The following MYBPC2 variants were observed in gnomAD, a reference collection of about 807,000 sequenced individuals.
MYBPC2 encodes myosin-binding protein C, fast-type.
In MYBPC2, 122 loss-of-function variants were observed where a neutral mutation model predicts 137.0. The observed-to-expected ratio is 0.89, with a 90% CI of 0.77 to 1.03. The LOEUF is 1.03. Ranked by LOEUF, MYBPC2 falls within the 50% of genes least tolerant of loss-of-function variation. The probability of loss-of-function intolerance (pLI) is 0.00; values close to 1 mark genes in which losing one functional copy is unlikely to be tolerated. For synonymous variants in MYBPC2, 626 were observed against 612.3 expected, an observed-to-expected ratio of 1.02 and a Z score of -0.33; for missense variants, 1,500 against 1,534.4, an observed-to-expected ratio of 0.98 and a Z score of 0.37.
intron 20 of MYBPC2, 102 bp from the exon 21 acceptor site, chr19:50,458,485 A>G (rs2039934554): frequency 1.2e-5 from 17 of 1,386,510 alleles, no homozygotes; most frequent in Middle Eastern, 1.9e-4. Flanking sequence ...GAACTTACTC[A>G]GTGCTCACTC....
chr19:50,464,849 T>C (rs2040001003), intron 27 of MYBPC2, among the ~76,000 whole-genome samples: 1 of 152,128 alleles, frequency 6.6e-6, no homozygotes, highest in African/African-American at 2.4e-5. Context: ...CGTAGGCAGA[T>C]GGGTTGACAG....
chr19:50,449,031 G>A, intron 13 of MYBPC2, among the ~76,000 whole-genome samples: 1 of 151,856 alleles, frequency 6.6e-6, no homozygotes, highest in East Asian at 1.9e-4. Context: ...CACCTGTCCT[G>A]TCCCCAAACT....
In MYBPC2 at chr19:50,451,317, C is replaced by A; in HGVS notation, c.1609+8C>A. The A allele has an allele frequency of 6.2e-7, 1 of 1,613,276 alleles. No individual in the cohort carries two copies. ...AGTACGTTCCCAAGCAAGGTGAGCA[C>A]CACGGGCTGCGCTGGGAGCGGGTCT... On this transcript the variant is annotated splice_region_variant and intron_variant, in intron 15 of 27. Coordinates refer to ENST00000357701, the MANE Select transcript of MYBPC2 (RefSeq NM_004533.4).
chr19:50,459,018 G>A lies in MYBPC2; in HGVS notation c.2595+12G>A, dbSNP rs1370644990. On this transcript the variant is annotated intron_variant, in intron 22 of 27. Coordinates refer to ENST00000357701, the MANE Select transcript of MYBPC2 (RefSeq NM_004533.4). ...TCGTCCCCTTCCAGGTCAGGGGAGC[G>A]GGGTCACGGGCCGGGGGTCCGCTCT... 5.6e-6 allele frequency: 9 copies of A among 1,602,518 alleles called. No homozygotes were observed. In the Admixed American group the frequency reaches 6.8e-5, roughly 12 times the overall value.
In MYBPC2 at chr19:50,446,029, G is replaced by T. The variant is rs369372927; in HGVS notation, c.1283G>T (p.Cys428Phe). The change falls in exon 12 of 28, where the codon TGT becomes TTT. Residue 428 changes from cysteine to phenylalanine, a missense_variant. Physicochemically the swap from Cys to Phe is radical, Grantham distance 205. Transcript: ENST00000357701. The part of the protein sequence containing the change: ...RYQVITNGGQ[C>F]EAELIVEEKQ... ...CAGGTCATAACCAATGGCGGCCAGT[G>T]TGAGGCCGAGCTGATTGTGGAAGGT... The T allele has an allele frequency of 2.5e-6, 4 of 1,613,082 alleles. No homozygotes were observed. In the African/African-American group the frequency reaches 5.3e-5, roughly 22 times the overall value.
In MYBPC2 at chr19:50,461,602, G is replaced by T; in HGVS notation, c.2992G>T (p.Val998Leu). 6.2e-7 allele frequency: 1 copy of T among 1,613,576 alleles called. No individual in the cohort carries two copies. Among genetic ancestry groups the T allele is most frequent in the Non-Finnish European group, 8.5e-7 (1 of 1,179,822 alleles). ...HTSCTVSDLIVGNEYYFRVYT... is the reference protein window; with the variant it reads ...HTSCTVSDLILGNEYYFRVYT... ...TAGCTGTACTGTGTCCGACCTTATC[G>T]TGGGCAATGAATACTATTTCCGAGT... Residue 998 changes from valine (V) to leucine (L), a missense_variant, in exon 25 of 28, where the codon GTG becomes TTG. Transcript: ENST00000357701.
rs1328069496 is a variant in MYBPC2, at chr19:50,436,604, G to A, written c.346-13G>A. ...GTGGTCCCGTGCACCCACACCCCCGGCCCTGGACCCAGGTGTACACCGTGG... is the reference window on the plus strand; with the variant it reads ...GTGGTCCCGTGCACCCACACCCCCGACCCTGGACCCAGGTGTACACCGTGG... On this transcript the variant is annotated splice_polypyrimidine_tract_variant and intron_variant, in intron 4 of 27. Coordinates refer to ENST00000357701, the MANE Select transcript of MYBPC2 (RefSeq NM_004533.4). The A allele has an allele frequency of 1.9e-6, 3 of 1,611,914 alleles. No homozygotes were observed. The highest frequency in any genetic ancestry group is 1.1e-5 in the South Asian group (1 of 90,982).
In MYBPC2 at chr19:50,448,329, T is replaced by C; in HGVS notation, c.1411T>C (p.Trp471Arg). 2 of 1,613,704 alleles carry C rather than the reference T, an allele frequency of 1.2e-6. No individual in the cohort carries two copies. The highest frequency in any genetic ancestry group is 1.7e-6 in the Non-Finnish European group (2 of 1,179,802). Reference sequence around the variant, plus strand: ...GTCTGATGAGAAAGTGACGGGCAAGTGGTATAAGAATGGGGTCGAGGTGCG... The same window carrying C: ...GTCTGATGAGAAAGTGACGGGCAAGCGGTATAAGAATGGGGTCGAGGTGCG... ...EVSDEKVTGK[W>R]YKNGVEVRPS... The change falls in exon 13 of 28, where the codon TGG (tryptophan) becomes CGG (arginine). Residue 471 changes from tryptophan (W) to arginine (R), a missense_variant. By Grantham distance (101) the Trp-to-Arg change is moderately radical (BLOSUM62 -3). Transcript: ENST00000357701.
intron 7 of MYBPC2, 116 bp from the exon 8 acceptor site, chr19:50,440,764 G>C (rs181746899): frequency 9.7e-6 from 10 of 1,025,696 alleles, no homozygotes; most frequent in Non-Finnish European, 9.8e-6. Context: ...GAAACAATAA[G>C]ACCCCTAAAG....
In MYBPC2 at chr19:50,466,068, A is replaced by G. The variant is rs1274604; in HGVS notation, c.3416-127A>G. On this transcript the variant is annotated intron_variant, in intron 27 of 27. Coordinates refer to ENST00000357701, the MANE Select transcript of MYBPC2 (RefSeq NM_004533.4). This position sits in a 1 kb window ranked among gnomAD's most constrained non-coding sequence, Gnocchi z 4.9. ...CTGGGTTGTCCAGCCACAGTGGCCT[A>G]GGATGGGGCGGGATGGTGACCGTCA... 0.68 allele frequency: 914,254 copies of G among 1,337,688 alleles called. 316,245 individuals are homozygous for G. The highest frequency in any genetic ancestry group is 0.91 in the African/African-American group (63,762 of 69,686). The allele number at this position is 1,337,688 out of a possible 1,614,324, so 82.9% of individuals were successfully genotyped here. A position where few individuals can be genotyped will look rare whatever the true frequency, so the allele number is the denominator to read the frequency against.
At chr19:50,456,704 G>C (rs1320759475) in intron 20 of MYBPC2, among the ~76,000 whole-genome samples, 1 of 151,978 alleles carries the variant, frequency 6.6e-6, no homozygotes, top group Non-Finnish European at 1.5e-5. Flanking sequence ...CCAAAGTGCT[G>C]GGATTACAGG....
intron 16 of MYBPC2, among the ~76,000 whole-genome samples, chr19:50,453,526 T>A (rs892332064): frequency 2.0e-5 from 3 of 147,206 alleles, no homozygotes; most frequent in African/African-American, 7.5e-5. Flanking sequence ...TTGTTGTTGT[T>A]TGGTTGGTTT....
At position 50,436,714 on chromosome 19, in the gene MYBPC2, G is replaced by A; in HGVS notation, c.443G>A (p.Gly148Asp). 2 of 1,613,892 alleles carry A rather than the reference G, an allele frequency of 1.2e-6. No individual in the cohort carries two copies. Among genetic ancestry groups the A allele is most frequent in the South Asian group, 1.1e-5 (1 of 91,082 alleles). ...GCCAAGGACACCTGTGACAGCTGTG[G>A]CTTCAACATCGATGTGGAGGGTATG... ...VKAKDTCDSC[G>D]FNIDVEAPRQ... The change falls in exon 5 of 28, where the codon GGC becomes GAC. Residue 148 changes from glycine (G) to aspartate (D), a missense_variant. Coordinates refer to ENST00000357701, the MANE Select transcript of MYBPC2 (RefSeq NM_004533.4).
At chr19:50,460,246 C>A in intron 24 of MYBPC2, 67 bp downstream of exon 24, 4 of 1,514,700 alleles carry the variant, frequency 2.6e-6, no homozygotes, top group East Asian at 2.4e-5. Flanking sequence ...AGATGTCCCC[C>A]GTTCACAGCT....
intron 4 of MYBPC2, 56 bp from the exon 5 acceptor site, chr19:50,436,561 A>C: frequency 6.9e-7 from 1 of 1,440,542 alleles, no homozygotes; most frequent in Non-Finnish European, 9.7e-7. Flanking sequence ...TCTGAGGAAT[A>C]TGGGGTGGCT....
intron 18 of MYBPC2, 145 bp downstream of exon 18, chr19:50,454,514 C>A: frequency 2.8e-6 from 2 of 702,022 alleles, no homozygotes; most frequent in Non-Finnish European, 4.6e-6. Context: ...CAACCTCTGC[C>A]TCCTGGGTAC....
chr19:50,448,139 C>T (rs1043200174), intron 12 of MYBPC2, 86 bp from the exon 13 acceptor site: 1 of 1,468,206 alleles, frequency 6.8e-7, no homozygotes, highest in African/African-American at 1.4e-5. Flanking sequence ...GTGCCTAGAC[C>T]AGCGCCTGGC....
Position 50,454,996 on chromosome 19 carries a change from G to A in MYBPC2, c.2015-112G>A, listed in dbSNP as rs945538500. Reference sequence around the variant, plus strand: ...CCCTGAGATCCACCTAAGATTCATGGCCTCGGACCGCCCTGGCCATGCGAT... The same window carrying A: ...CCCTGAGATCCACCTAAGATTCATGACCTCGGACCGCCCTGGCCATGCGAT... On this transcript the variant is annotated intron_variant, in intron 18 of 27. Transcript: ENST00000357701. 1.0e-5 allele frequency: 10 copies of A among 972,214 alleles called. No homozygotes were observed. In the African/African-American group the frequency reaches 1.3e-4, roughly 13 times the overall value. 60.2% of individuals were successfully genotyped at this position (972,214 alleles called of 1,614,324 possible). A position where few individuals can be genotyped will look rare whatever the true frequency, so the allele number is the denominator to read the frequency against.
Position 50,451,419 on chromosome 19 carries a change from G to C in MYBPC2, c.1609+110G>C. 4.1e-6 allele frequency: 5 copies of C among 1,206,718 alleles called. No individual in the cohort carries two copies. The Admixed American group carries it at 9.2e-5, about 22-fold the overall frequency. The allele number at this position is 1,206,718 out of a possible 1,614,324, so 74.8% of individuals were successfully genotyped here. A position where few individuals can be genotyped will look rare whatever the true frequency, so the allele number is the denominator to read the frequency against. On this transcript the variant is annotated intron_variant, in intron 15 of 27. Coordinates refer to ENST00000357701, the MANE Select transcript of MYBPC2 (RefSeq NM_004533.4). Reference sequence around the variant, plus strand: ...GGCAGGGCGAGGAAGGATGGGCGGGGTGCGGGAGGATGAGTGGGGAGAGGA... The same window carrying C: ...GGCAGGGCGAGGAAGGATGGGCGGGCTGCGGGAGGATGAGTGGGGAGAGGA...
Sources: gnomAD v4.1 joint callset for allele counts (sites outside exome capture counted in the v4.1 genomes callset) on GRCh38, gnomAD v4.1.1 for gene constraint, Gnocchi (gnomAD v3.1) non-coding constraint, MANE v1.5 for transcripts, NCBI Gene and HGNC (gene_info 2026-07-23, HGNC 2026-07-21) for gene names.